The following CSMD1 variants were observed in gnomAD, a reference collection of about 807,000 sequenced individuals.
CSMD1 encodes the protein CUB and Sushi multiple domains 1.
A neutral mutation model predicts 417.5 loss-of-function variants in CSMD1; 213 were observed. The ratio of observed to expected loss-of-function variants is 0.51; its 90% CI spans 0.46 to 0.57. The LOEUF is 0.57. CSMD1 is among the 20% of genes least tolerant of loss of function. The probability of loss-of-function intolerance (pLI) is 0.00; values close to 1 mark genes in which losing one functional copy is unlikely to be tolerated. For missense variants in CSMD1, 6,923 were observed against 4,529.7 expected (o/e 1.53, Z -15.17); for synonymous variants, 2,862 against 1,736.8 (o/e 1.65, Z -16.11).
chr8:4,187,771 C>G lies in CSMD1; in HGVS notation c.416-155672G>C, dbSNP rs190164371. 4.0e-5 allele frequency among the ~76,000 whole-genome samples: 6 copies of G among 150,990 alleles called. No individual in the cohort carries two copies. In the East Asian group the frequency reaches 7.9e-4, roughly 20 times the overall value. ...CACTCAGAGAAATATATTTCACTCT[C>G]ACCATATAGTAAAATAGGCAGGTAT... On this transcript the variant is annotated intron_variant, in intron 3 of 69. Transcript: ENST00000635120.
chr8:4,814,598 T>A (rs1379898787), intron 1 of CSMD1, among the ~76,000 whole-genome samples: 1 of 152,148 alleles, frequency 6.6e-6, no homozygotes, highest in Non-Finnish European at 1.5e-5. Context: ...AGGCAAATAA[T>A]AAAGCTATAT....
intron 5 of CSMD1, among the ~76,000 whole-genome samples, chr8:3,860,762 G>T (rs887498650): frequency 1.3e-5 from 2 of 152,150 alleles, no homozygotes; most frequent in African/African-American, 4.8e-5. Context: ...TAAGTTTGAA[G>T]GGAGAGAGTA....
intron 5 of CSMD1, among the ~76,000 whole-genome samples, chr8:3,870,855 C>G (rs1248842581): frequency 3.3e-5 from 5 of 152,074 alleles, no homozygotes; most frequent in Admixed American, 3.3e-4. Flanking sequence ...ACCATTCTGT[C>G]TTAGGTTCCT....
chr8:4,663,991 T>C (rs17070996), intron 1 of CSMD1, among the ~76,000 whole-genome samples: 19,025 of 152,156 alleles, frequency 0.13, 1,474 homozygotes, highest in East Asian at 0.23. Context: ...CTGTTGTTTC[T>C]GGTTCGGGCA....
rs143531086 is a variant in CSMD1 at position 3,810,813 on chromosome 8, C to A, written c.819-56771G>T. Among the ~76,000 whole-genome samples the A allele has an allele frequency of 1.5e-3, 236 of 152,276 alleles. 1 individual carries two copies. Among genetic ancestry groups the A allele is most frequent in the African/African-American group, 5.5e-3 (230 of 41,566 alleles). On this transcript the variant is annotated intron_variant, in intron 5 of 69. Transcript: ENST00000635120. ...GGCACATCATCAGGCTGACCTCACT[C>A]TTTGTAACACAAAATTCAAAGATGG... is the stretch of plus-strand genomic sequence containing the variant.
intron 51 of CSMD1, among the ~76,000 whole-genome samples, chr8:3,021,598 C>G: frequency 6.6e-6 from 1 of 152,322 alleles, no homozygotes; most frequent in East Asian, 1.9e-4. Flanking sequence ...AGTCTTTGCA[C>G]AAAAAAGACA....
chr8:4,296,871 C>T (rs1797716875), intron 3 of CSMD1, among the ~76,000 whole-genome samples: 1 of 151,768 alleles, frequency 6.6e-6, no homozygotes, highest in South Asian at 2.1e-4. Context: ...TCTTAGACTC[C>T]CAATTTTTTT....
At chr8:4,521,006 C>T (rs1342131901) in intron 2 of CSMD1, among the ~76,000 whole-genome samples, 1 of 152,030 alleles carries the variant, frequency 6.6e-6, no homozygotes, top group Admixed American at 6.6e-5. Context: ...ATTGCTGTTG[C>T]CCACTGCTGT....
chr8:3,512,676 T>C (rs974465494), intron 10 of CSMD1, among the ~76,000 whole-genome samples: 4 of 151,198 alleles, frequency 2.6e-5, no homozygotes, highest in South Asian at 4.2e-4. Context: ...TGACATGATC[T>C]GGGCTCCCTG....
intron 54 of CSMD1, among the ~76,000 whole-genome samples, chr8:2,994,481 G>C (rs1329957686): frequency 2.0e-5 from 3 of 152,178 alleles, no homozygotes; most frequent in African/African-American, 7.2e-5. Context: ...TTCCCAAAAT[G>C]AGCACCAGTT....
At chr8:3,835,352 C>A (rs1802619680) in intron 5 of CSMD1, among the ~76,000 whole-genome samples, 1 of 152,076 alleles carries the variant, frequency 6.6e-6, no homozygotes, top group East Asian at 1.9e-4. Context: ...GATTAAGAAA[C>A]TGTGGTCCAT....
chr8:4,851,440 T>C lies in CSMD1; in HGVS notation c.85+142892A>G, dbSNP rs536930495. Among the ~76,000 whole-genome samples the C allele has an allele frequency of 2.4e-3, 363 of 152,230 alleles. 1 individual carries two copies. The highest frequency in any genetic ancestry group is 8.5e-3 in the African/African-American group (353 of 41,550). On this transcript the variant is annotated intron_variant, in intron 1 of 69. Transcript: ENST00000635120. ...GCATCTTCTTCGTCAATTTCTTAAATTCTTCCCTTGTCAACCTCTATTTTT... is the reference window on the plus strand; with the variant it reads ...GCATCTTCTTCGTCAATTTCTTAAACTCTTCCCTTGTCAACCTCTATTTTT...
chr8:4,314,243 A>T (rs7002670), intron 3 of CSMD1, among the ~76,000 whole-genome samples: 40,214 of 151,728 alleles, frequency 0.27, 6,080 homozygotes, highest in African/African-American at 0.42. Context: ...ACACAATGCC[A>T]CATGGAATAC....
chr8:4,146,830 T>A (rs1279086997), intron 3 of CSMD1, among the ~76,000 whole-genome samples: 1 of 149,648 alleles, frequency 6.7e-6, no homozygotes, highest in Non-Finnish European at 1.5e-5. Context: ...CAGGATAGTC[T>A]CGATCTCCTG....
chr8:4,398,557 C>A (rs1015393444), intron 3 of CSMD1, among the ~76,000 whole-genome samples: 3 of 151,732 alleles, frequency 2.0e-5, no homozygotes. Context: ...CCATGCCCGG[C>A]CAAATTTTTT....
At chr8:4,806,535 C>G (rs955141699) in intron 1 of CSMD1, among the ~76,000 whole-genome samples, 1 of 152,148 alleles carries the variant, frequency 6.6e-6, no homozygotes, top group Admixed American at 6.5e-5. Flanking sequence ...TTCCTGCCAC[C>G]GTGCTACTAG....
intron 3 of CSMD1, among the ~76,000 whole-genome samples, chr8:4,095,836 T>C (rs1290887800): frequency 6.6e-6 from 1 of 152,226 alleles, no homozygotes; most frequent in South Asian, 2.1e-4. Flanking sequence ...TGCATTGGAA[T>C]GTATTTAAAA....
intron 10 of CSMD1, among the ~76,000 whole-genome samples, chr8:3,503,064 T>G (rs886454809): frequency 3.3e-5 from 5 of 152,094 alleles, no homozygotes; most frequent in African/African-American, 9.7e-5. Context: ...TAAAACCTAA[T>G]AAATTAACAA....
At chr8:3,983,292 G>A (rs539392104) in intron 5 of CSMD1, among the ~76,000 whole-genome samples, 4 of 151,862 alleles carry the variant, frequency 2.6e-5, no homozygotes, top group East Asian at 1.9e-4. Flanking sequence ...CACCACGCCC[G>A]GCTAATTTTT....
Sources: allele counts gnomAD v4.1 joint callset (sites outside exome capture counted in the v4.1 genomes callset), GRCh38; gene constraint gnomAD v4.1.1; transcripts MANE v1.5; gene names NCBI Gene and HGNC (gene_info 2026-07-23, HGNC 2026-07-21).